The following SIPA1 variants were observed in gnomAD, a reference collection of about 807,000 sequenced individuals.
SIPA1 encodes signal-induced proliferation-associated protein 1.
A neutral mutation model predicts 88.1 loss-of-function variants in SIPA1; 51 were observed. The ratio of observed to expected loss-of-function variants is 0.58; its 90% CI spans 0.46 to 0.73. SIPA1 has a LOEUF of 0.73. Among genes scored for constraint, SIPA1 ranks in the 30% least tolerant of loss-of-function variants. SIPA1 has a pLI of 0.00. For synonymous variants in SIPA1, 681 were observed against 664.8 expected (o/e 1.02, Z -0.37); for missense variants, 1,348 against 1,467.6 (o/e 0.92, Z 1.33).
In SIPA1 at chr11:65,650,608, A is replaced by T; in HGVS notation, c.3022A>T (p.Ser1008Cys). The T allele has an allele frequency of 1.9e-6, 3 of 1,585,552 alleles. No homozygotes were observed. The highest frequency in any genetic ancestry group is 2.6e-6 in the Non-Finnish European group (3 of 1,165,658). Residue 1008 changes from serine to cysteine, a missense_variant, in exon 16 of 16, where the codon AGC (serine) becomes TGC (cysteine). By Grantham distance (112) the Ser-to-Cys change is moderately radical (BLOSUM62 -1). Coordinates refer to ENST00000534313, the MANE Select transcript of SIPA1 (RefSeq NM_006747.4). ...GGCGGCCCTGGAGGAGGAGGTGCGG[A>T]GCCTGAGACACAACAACCGGCGGCT... ...DRAALEEEVR[S>C]LRHNNRRLQA...
rs778519463 is a variant in SIPA1 at position 65,650,392 on chromosome 11, T to C, written c.2904-9T>C. On this transcript the variant is annotated splice_polypyrimidine_tract_variant and intron_variant, in intron 14 of 15. Coordinates refer to ENST00000534313, the MANE Select transcript of SIPA1 (RefSeq NM_006747.4). ...TGGTCCTGCTGAGTCTTGACCCCCA[T>C]GTCTTCAGGCCAGAGCCTGGGAACC... 21 of 1,613,570 alleles carry C rather than the reference T, an allele frequency of 1.3e-5. No individual in the cohort carries two copies. The South Asian group carries it at 1.9e-4, about 14-fold the overall frequency.
In SIPA1 at chr11:65,641,045, G is replaced by A. The variant is rs776317318; in HGVS notation, c.124G>A (p.Glu42Lys). The A allele has an allele frequency of 4.4e-6, 7 of 1,594,094 alleles. No homozygotes were observed. Among genetic ancestry groups the A allele is most frequent in the Admixed American group, 1.7e-5 (1 of 57,640 alleles). ...ARPPLTPHTFEPRPVRGPLLR... is the reference protein window; with the variant it reads ...ARPPLTPHTFKPRPVRGPLLR... ...GCCCCCGCTGACACCGCACACCTTC[G>A]AGCCGAGGCCAGTCCGGGGCCCACT... Residue 42 changes from glutamate to lysine, a missense_variant, in exon 2 of 16, where the codon GAG (glutamate) becomes AAG (lysine). This residue lies in a region of SIPA1 where 641 missense variants were observed against 797.7 expected (regional missense o/e 0.80). Coordinates refer to ENST00000534313, the MANE Select transcript of SIPA1 (RefSeq NM_006747.4).
chr11:65,646,184 A>C lies in SIPA1; in HGVS notation c.1264-37A>C. 6.2e-7 allele frequency: 1 copy of C among 1,608,326 alleles called. No individual in the cohort carries two copies. The stretch of plus-strand genomic sequence containing the variant: ...GAATGAGGAGGGGTTTGGGGCACAG[A>C]AGACCTCATCACGAGCCCCTACTAT... On this transcript the variant is annotated intron_variant, in intron 6 of 15. Coordinates refer to ENST00000534313, the MANE Select transcript of SIPA1 (RefSeq NM_006747.4). This position sits in a 1 kb window ranked among gnomAD's most constrained non-coding sequence, Gnocchi z 7.5.
rs973690751 is a variant in SIPA1 at position 65,647,752 on chromosome 11, C to A, written c.2306+94C>A. The A allele has an allele frequency of 7.8e-6, 8 of 1,021,926 alleles. No individual in the cohort carries two copies. The African/African-American group carries it at 1.2e-4, about 15-fold the overall frequency. 63.3% of individuals were successfully genotyped at this position (1,021,926 alleles called of 1,614,324 possible). A position where few individuals can be genotyped will look rare whatever the true frequency, so the allele number is the denominator to read the frequency against. ...GGGTCGCCATCAGCAGTTTCAGGAA[C>A]CCAGTGTGGATACCTTTCCTTCTGG... On this transcript the variant is annotated intron_variant, in intron 9 of 15. Transcript: ENST00000534313.
rs569906961 is a variant in SIPA1, at chr11:65,650,444, T to A, written c.2947T>A (p.Ser983Thr). ...CTCAGAGAAGGTCTCTCACTTGGAGTCCATGCTCAGGAAGCTGCAGGAGGA... is the reference window on the plus strand; with the variant it reads ...CTCAGAGAAGGTCTCTCACTTGGAGACCATGCTCAGGAAGCTGCAGGAGGA... ...NLSEKVSHLE[S>T]MLRKLQEDLQ... Residue 983 changes from serine (S) to threonine (T), a missense_variant, in exon 15 of 16, where the codon TCC (serine) becomes ACC (threonine). By Grantham distance (58) the Ser-to-Thr change is moderately conservative (BLOSUM62 1). This residue lies in a region of SIPA1 where 615 missense variants were observed against 559.8 expected (regional missense o/e 1.10). Transcript: ENST00000534313. The A allele has an allele frequency of 6.2e-7, 1 of 1,613,852 alleles. No individual in the cohort carries two copies. Among genetic ancestry groups the A allele is most frequent in the South Asian group, 1.1e-5 (1 of 91,066 alleles).
In SIPA1 at chr11:65,647,465, G is replaced by C; in HGVS notation, c.2113G>C (p.Glu705Gln). ...QGRLGFEVDAEGFVTHVERFT... is the reference protein window; with the variant it reads ...QGRLGFEVDAQGFVTHVERFT... Reference sequence around the variant, plus strand: ...CCGCCTGGGCTTCGAGGTGGACGCCGAGGGATTCGTCACGCACGTGGAGCG... The same window carrying C: ...CCGCCTGGGCTTCGAGGTGGACGCCCAGGGATTCGTCACGCACGTGGAGCG... The change falls in exon 9 of 16, where the codon GAG (glutamate) becomes CAG (glutamine). Residue 705 changes from glutamate to glutamine, a missense_variant. Physicochemically the swap from Glu to Gln is conservative, Grantham distance 29. Transcript: ENST00000534313. 1 of 1,480,770 alleles carries C rather than the reference G, an allele frequency of 6.8e-7. No individual in the cohort carries two copies. Among genetic ancestry groups the C allele is most frequent in the Non-Finnish European group, 8.9e-7 (1 of 1,124,518 alleles). The allele number at this position is 1,480,770 out of a possible 1,614,324, so 91.7% of individuals were successfully genotyped here.
chr11:65,650,168 A>AG lies in SIPA1; in HGVS notation c.2882dup (p.Thr962AsnfsTer5). The AG allele has an allele frequency of 6.2e-7, 1 of 1,614,034 alleles. No individual in the cohort carries two copies. Among genetic ancestry groups the AG allele is most frequent in the Non-Finnish European group, 8.5e-7 (1 of 1,179,982 alleles). On this transcript the variant is annotated frameshift_variant, in exon 14 of 16. Coordinates refer to ENST00000534313, the MANE Select transcript of SIPA1 (RefSeq NM_006747.4). LOFTEE classifies it high-confidence loss of function. ...CCCATCCCAGAGAGTGGAGACCCTA[A>AG]GGGAACTCCAAAATCTGATGCTGAG...
intron 14 of SIPA1, 26 bp downstream of exon 14, chr11:65,650,218 G>A (rs750347291): frequency 1.2e-5 from 19 of 1,611,820 alleles, no homozygotes; most frequent in Middle Eastern, 1.6e-4. Context: ...CCCCACAGCC[G>A]CTTTACCTGC....
rs776472305 is a variant in SIPA1 at position 65,641,438 on chromosome 11, G to A, written c.517G>A (p.Gly173Ser). Residue 173 changes from glycine (G) to serine (S), a missense_variant, in exon 2 of 16, where the codon GGT becomes AGT. Gly to Ser is a moderately conservative substitution (Grantham distance 56). This residue lies in a region of SIPA1 where 641 missense variants were observed against 797.7 expected (regional missense o/e 0.80). Coordinates refer to ENST00000534313, the MANE Select transcript of SIPA1 (RefSeq NM_006747.4). The stretch of plus-strand genomic sequence containing the variant: ...CTTTGTGTGTGAGCTCGGGGGTGAG[G>A]GTGAGCTAGGCCTGGGTGGACCAGC... The part of the protein sequence containing the change: ...PGFVCELGGE[G>S]ELGLGGPASP... The A allele has an allele frequency of 1.2e-6, 2 of 1,612,546 alleles. No individual in the cohort carries two copies. Among genetic ancestry groups the A allele is most frequent in the South Asian group, 1.1e-5 (1 of 91,062 alleles).
At position 65,647,482 on chromosome 11, in the gene SIPA1, C is replaced by G; in HGVS notation, c.2130C>G (p.His710Gln). ...FEVDAEGFVT[H>Q]VERFTFAETA... Reference sequence around the variant, plus strand: ...TGGACGCCGAGGGATTCGTCACGCACGTGGAGCGCTTCACATTCGCCGAGA... The same window carrying G: ...TGGACGCCGAGGGATTCGTCACGCAGGTGGAGCGCTTCACATTCGCCGAGA... Residue 710 changes from histidine to glutamine, a missense_variant, in exon 9 of 16, where the codon CAC becomes CAG. This residue lies in a region of SIPA1 where 615 missense variants were observed against 559.8 expected (regional missense o/e 1.10). Coordinates refer to ENST00000534313, the MANE Select transcript of SIPA1 (RefSeq NM_006747.4). The G allele has an allele frequency of 6.9e-7, 1 of 1,458,268 alleles. No homozygotes were observed. The highest frequency in any genetic ancestry group is 9.0e-7 in the Non-Finnish European group (1 of 1,112,864). The allele number at this position is 1,458,268 out of a possible 1,614,324, so 90.3% of individuals were successfully genotyped here.
chr11:65,649,950 T>A lies in SIPA1; in HGVS notation c.2747T>A (p.Ile916Asn), dbSNP rs553529730. 3.3e-5 allele frequency: 54 copies of A among 1,613,790 alleles called. No individual in the cohort carries two copies. In the South Asian group the frequency reaches 3.5e-4, roughly 11 times the overall value. Reference sequence around the variant, plus strand: ...CTCAGCCTGCTCCTTGTGCCCACAGTCATGTCGGAGGCGGGCAGTGGGACC... The same window carrying A: ...CTCAGCCTGCTCCTTGTGCCCACAGACATGTCGGAGGCGGGCAGTGGGACC... ...TLSLRNSISR[I>N]MSEAGSGTLE... The change falls in exon 13 of 16, where the codon ATC (isoleucine) becomes AAC (asparagine). Residue 916 changes from isoleucine (I) to asparagine (N), a missense_variant and splice_region_variant. Ile to Asn is a moderately radical substitution (Grantham distance 149). Around this residue, in one of 4 missense-constraint regions of SIPA1, gnomAD observed 615 missense variants for 559.8 expected, o/e 1.10. Coordinates refer to ENST00000534313, the MANE Select transcript of SIPA1 (RefSeq NM_006747.4).
In SIPA1 at chr11:65,649,947, C is replaced by T. The variant is rs755864022; in HGVS notation, c.2747-3C>T. 6.2e-6 allele frequency: 10 copies of T among 1,613,830 alleles called. No individual in the cohort carries two copies. The highest frequency in any genetic ancestry group is 2.2e-5 in the East Asian group (1 of 44,896). On this transcript the variant is annotated splice_region_variant and splice_polypyrimidine_tract_variant and intron_variant, in intron 12 of 15. Transcript: ENST00000534313. The stretch of plus-strand genomic sequence containing the variant: ...TAGCTCAGCCTGCTCCTTGTGCCCA[C>T]AGTCATGTCGGAGGCGGGCAGTGGG...
chr11:65,645,706 G>A (rs528604875), intron 5 of SIPA1, 148 bp from the exon 6 acceptor site: 25 of 577,232 alleles, frequency 4.3e-5, no homozygotes, highest in Non-Finnish European at 5.3e-5. Flanking sequence ...CTTGAATCTC[G>A]CTGGCTGGGC....
rs1185699261 is a variant in SIPA1 at position 65,642,011 on chromosome 11, G to A, written c.680-239G>A. ...ATGAGGGCGTGGTGGGTGGAGCCAA[G>A]GCAGGATTTAGGCCTGGGAGCTGGC... is the stretch of plus-strand genomic sequence containing the variant. On this transcript the variant is annotated intron_variant, in intron 2 of 15. Coordinates refer to ENST00000534313, the MANE Select transcript of SIPA1 (RefSeq NM_006747.4). The surrounding 1 kb of genome is among the most constrained non-coding windows in gnomAD (Gnocchi z 6.5). The A allele has an allele frequency of 2.9e-5, 17 of 577,776 alleles. No homozygotes were observed. In the South Asian group the frequency reaches 3.9e-4, roughly 13 times the overall value. 35.8% of individuals were successfully genotyped at this position (577,776 alleles called of 1,614,324 possible). A position where few individuals can be genotyped will look rare whatever the true frequency, so the allele number is the denominator to read the frequency against.
chr11:65,647,627 C>G lies in SIPA1; in HGVS notation c.2275C>G (p.Leu759Val). 7.1e-7 allele frequency: 1 copy of G among 1,403,306 alleles called. No individual in the cohort carries two copies. Among genetic ancestry groups the G allele is most frequent in the Non-Finnish European group, 9.2e-7 (1 of 1,082,510 alleles). The allele number at this position is 1,403,306 out of a possible 1,614,324, so 86.9% of individuals were successfully genotyped here. A position where few individuals can be genotyped will look rare whatever the true frequency, so the allele number is the denominator to read the frequency against. Residue 759 changes from leucine to valine, a missense_variant, in exon 9 of 16, where the codon CTG becomes GTG. Leu to Val is a conservative substitution (Grantham distance 32, BLOSUM62 1). Transcript: ENST00000534313. ...GGCGCCCAAGGTCTGCGTCACCGTCCTGCCCCCCGACGAGAGCGGCCGGCC... is the reference window on the plus strand; with the variant it reads ...GGCGCCCAAGGTCTGCGTCACCGTCGTGCCCCCCGACGAGAGCGGCCGGCC... ...RSAPKVCVTVLPPDESGRPRR... is the reference protein window; with the variant it reads ...RSAPKVCVTVVPPDESGRPRR...
rs1590925849 is a variant in SIPA1 at position 65,649,316 on chromosome 11, C to A, written c.2361C>A (p.Ala787=). The A allele has an allele frequency of 1.9e-6, 3 of 1,557,836 alleles. No individual in the cohort carries two copies. The South Asian group carries it at 3.5e-5, about 18-fold the overall frequency. ...LSLQEPSRRG[A]PDPVQDEVQG... ...TGCAGGAGCCTAGCCGGCGGGGGGC[C>A]CCAGATCCTGTGCAGGATGAGGTCC... Residue 787 remains alanine (A), a synonymous_variant, in exon 10 of 16, where the codon GCC becomes GCA. Coordinates refer to ENST00000534313, the MANE Select transcript of SIPA1 (RefSeq NM_006747.4).
In SIPA1 at chr11:65,644,831, G is replaced by A. The variant is rs1270450269; in HGVS notation, c.985-124G>A. ...CAGACTGTACTCACCTGACAGGCAA[G>A]GGCACAAGTGGCTCAGAGAGGGCTG... On this transcript the variant is annotated intron_variant, in intron 4 of 15. Transcript: ENST00000534313. 3.2e-6 allele frequency: 3 copies of A among 944,702 alleles called. No individual in the cohort carries two copies. In the African/African-American group the frequency reaches 4.9e-5, roughly 16 times the overall value. 58.5% of individuals were successfully genotyped at this position (944,702 alleles called of 1,614,324 possible).
intron 8 of SIPA1, 117 bp downstream of exon 8, chr11:65,647,182 A>T: frequency 2.1e-6 from 3 of 1,414,132 alleles, no homozygotes; most frequent in South Asian, 3.1e-5. Flanking sequence ...CGAGGAGGGC[A>T]GAGCCAGCCC....
In SIPA1 at chr11:65,647,369, C is replaced by T; in HGVS notation, c.2032-15C>T. ...CTCCCGGCAGCCCCGCCCACTCGTC[C>T]CGCCCCGTCCGCAGCTGGTGAGCCG... On this transcript the variant is annotated splice_polypyrimidine_tract_variant and intron_variant, in intron 8 of 15. Coordinates refer to ENST00000534313, the MANE Select transcript of SIPA1 (RefSeq NM_006747.4). 2 of 1,411,006 alleles carry T rather than the reference C, an allele frequency of 1.4e-6. No individual in the cohort carries two copies. Among genetic ancestry groups the T allele is most frequent in the South Asian group, 1.5e-5 (1 of 67,764 alleles). 87.4% of individuals were successfully genotyped at this position (1,411,006 alleles called of 1,614,324 possible).
Sources: allele counts gnomAD v4.1 joint callset, GRCh38; gene constraint gnomAD v4.1.1; regional missense constraint gnomAD v4.1.1; non-coding constraint Gnocchi (gnomAD v3.1); transcripts MANE v1.5; gene names NCBI Gene and HGNC (gene_info 2026-07-23, HGNC 2026-07-21).